The following CEP112 variants were observed in gnomAD, a reference collection of about 807,000 sequenced individuals.
CEP112 encodes the protein centrosomal protein of 112 kDa.
A neutral mutation model predicts 153.0 loss-of-function variants in CEP112; 127 were observed. That is an observed-to-expected ratio of 0.83 (90% confidence interval 0.72 to 0.96). CEP112 has a LOEUF of 0.96. CEP112 is among the 40% of genes least tolerant of loss of function. The pLI is 0.00. For synonymous variants in CEP112, 358 were observed against 374.4 expected, an observed-to-expected ratio of 0.96 and a Z score of 0.51; for missense variants, 1,089 against 1,101.2, an observed-to-expected ratio of 0.99 and a Z score of 0.16.
intron 21 of CEP112, among the ~76,000 whole-genome samples, chr17:65,839,510 A>T (rs1308090670): frequency 6.6e-6 from 1 of 152,020 alleles, no homozygotes; most frequent in Non-Finnish European, 1.5e-5. Flanking sequence ...TATAGTAGAA[A>T]CACTTCACAA....
chr17:66,133,692 T>C (rs183288933), intron 4 of CEP112, among the ~76,000 whole-genome samples: 4 of 152,308 alleles, frequency 2.6e-5, no homozygotes, highest in Middle Eastern at 3.4e-3. Context: ...CTTCAAGATA[T>C]ATTAAATGGA....
intron 23 of CEP112, among the ~76,000 whole-genome samples, chr17:65,738,855 T>C (rs899756689): frequency 2.6e-5 from 4 of 152,200 alleles, no homozygotes; most frequent in African/African-American, 4.8e-5. Context: ...TAGTATAGAC[T>C]ACTGTGGTAG....
chr17:66,095,648 GA>G (rs2068312021), intron 8 of CEP112, among the ~76,000 whole-genome samples: 2 of 152,270 alleles, frequency 1.3e-5, no homozygotes, highest in Admixed American at 1.3e-4. Context: ...AAATCACTAT[GA>G]GAGTACATTT....
At chr17:65,992,198 A>C (rs2063619138) in intron 17 of CEP112, among the ~76,000 whole-genome samples, 3 of 152,178 alleles carry the variant, frequency 2.0e-5, no homozygotes, top group South Asian at 4.1e-4. Context: ...CTATTTGAAG[A>C]TTAATCCCTA....
chr17:66,094,550 T>A (rs746537997), intron 8 of CEP112, among the ~76,000 whole-genome samples: 12 of 152,030 alleles, frequency 7.9e-5, no homozygotes, highest in Non-Finnish European at 1.8e-4. Context: ...AAAACTACTA[T>A]AAGAGAAATA....
At chr17:65,937,482 G>A (rs1292500673) in intron 18 of CEP112, among the ~76,000 whole-genome samples, 44 of 123,396 alleles carry the variant, frequency 3.6e-4, no homozygotes, top group Admixed American at 8.9e-4. Flanking sequence ...TCTGAGAAGT[G>A]AGGAGACCCT....
intron 17 of CEP112, among the ~76,000 whole-genome samples, chr17:65,994,967 A>G (rs956215614): frequency 6.6e-6 from 1 of 151,962 alleles, no homozygotes; most frequent in Non-Finnish European, 1.5e-5. Context: ...AACATCTTTC[A>G]TGTGCCCCTT....
chr17:66,128,710 G>A (rs1258733478), intron 6 of CEP112, among the ~76,000 whole-genome samples: 2 of 152,018 alleles, frequency 1.3e-5, no homozygotes, highest in Non-Finnish European at 2.9e-5. Flanking sequence ...AAACAAACTG[G>A]GAGCAATTCA....
chr17:65,647,178 T>TTTG (rs2045481561), intron 24 of CEP112, among the ~76,000 whole-genome samples: 1 of 150,412 alleles, frequency 6.6e-6, no homozygotes, highest in African/African-American at 2.4e-5. Context: ...TTCTTGTTTT[T>TTTG]TTTTTTTTTT....
chr17:65,781,308 G>A (rs938355761), intron 21 of CEP112, among the ~76,000 whole-genome samples: 9 of 151,982 alleles, frequency 5.9e-5, no homozygotes, highest in Non-Finnish European at 7.4e-5. Context: ...AGATCTCTGC[G>A]AGGAGAATTA....
At chr17:66,055,584 G>C (rs1479559910) in intron 11 of CEP112, among the ~76,000 whole-genome samples, 3 of 152,062 alleles carry the variant, frequency 2.0e-5, no homozygotes, top group Non-Finnish European at 4.4e-5. Context: ...TGATGTAGTG[G>C]TTTCCTCATG....
chr17:65,701,667 T>A (rs920960038), intron 23 of CEP112, among the ~76,000 whole-genome samples: 18 of 152,280 alleles, frequency 1.2e-4, no homozygotes, highest in African/African-American at 4.3e-4. Context: ...GTCTCTCTTA[T>A]GTGTGTATAT....
At chr17:65,910,127 TA>T (rs2060230065) in intron 19 of CEP112, among the ~76,000 whole-genome samples, 1 of 152,130 alleles carries the variant, frequency 6.6e-6, no homozygotes, top group African/African-American at 2.4e-5. Flanking sequence ...AAGACATTAA[TA>T]AATTGTTAAA....
At chr17:65,945,685 C>A (rs991005827) in intron 18 of CEP112, among the ~76,000 whole-genome samples, 1 of 152,050 alleles carries the variant, frequency 6.6e-6, no homozygotes, top group Non-Finnish European at 1.5e-5. Context: ...TCGCTCTTGT[C>A]CCCCAGGCTG....
chr17:66,063,126 T>C (rs913138452), intron 10 of CEP112, 45 bp from the exon 11 acceptor site: 10 of 914,610 alleles, frequency 1.1e-5, no homozygotes, highest in Middle Eastern at 2.4e-4. Flanking sequence ...TCTAGGTACA[T>C]AGAGTTTGAT....
intron 8 of CEP112, among the ~76,000 whole-genome samples, chr17:66,092,093 G>GATAGTAGTGCGATCATCTCAC (rs1568481109): frequency 6.7e-5 from 10 of 149,536 alleles, no homozygotes; most frequent in African/African-American, 2.5e-4. Context: ...CCAGGCTGGA[G>GATAGTAGTGCGATCATCTCAC]TGCAGTAGTG....
chr17:66,070,266 C>T (rs577771745), intron 8 of CEP112, among the ~76,000 whole-genome samples: 53 of 152,146 alleles, frequency 3.5e-4, no homozygotes, highest in Non-Finnish European at 6.2e-4. Context: ...CACTACTCTC[C>T]CCATTCTCTC....
chr17:65,858,208 A>T (rs191161131), intron 20 of CEP112, among the ~76,000 whole-genome samples: 2 of 152,180 alleles, frequency 1.3e-5, no homozygotes, highest in African/African-American at 2.4e-5. Flanking sequence ...TCAATATTAC[A>T]ATCTTTTAAA....
intron 6 of CEP112, among the ~76,000 whole-genome samples, chr17:66,103,749 A>G (rs549393982): frequency 6.6e-6 from 1 of 152,326 alleles, no homozygotes; most frequent in South Asian, 2.1e-4. Flanking sequence ...ACAGTCTTAA[A>G]TCACCTGCAT....
Sources: gnomAD v4.1 joint callset for allele counts (sites outside exome capture counted in the v4.1 genomes callset) on GRCh38, gnomAD v4.1.1 for gene constraint, MANE v1.5 for transcripts, NCBI Gene and HGNC (gene_info 2026-07-23, HGNC 2026-07-21) for gene names.